ZNF83: variants seen among roughly 807,000 people sequenced by gnomAD.
ZNF83 encodes the protein zinc finger protein 83.
For missense variants in ZNF83, 552 were observed against 629.9 expected, an observed-to-expected ratio of 0.88 and a Z score of 1.32; for synonymous variants, 209 against 213.0, an observed-to-expected ratio of 0.98 and a Z score of 0.17.
intron 2 of ZNF83, among the ~76,000 whole-genome samples, chr19:52,623,894 T>G (rs1262402268): frequency 1.3e-5 from 2 of 152,228 alleles, no homozygotes; most frequent in African/African-American, 4.8e-5. Context: ...CAAATTGTTT[T>G]GCCTATCCAC....
At chr19:52,676,516 G>A (rs1373426805) in intron 1 of ZNF83, among the ~76,000 whole-genome samples, 1 of 150,962 alleles carries the variant, frequency 6.6e-6, no homozygotes, top group African/African-American at 2.4e-5. Flanking sequence ...GGCAGCCCCC[G>A]CCCGGCCAGC....
chr19:52,644,139 T>C (rs1457059823), intron 3 of ZNF83, among the ~76,000 whole-genome samples: 2 of 151,902 alleles, frequency 1.3e-5, no homozygotes, highest in Non-Finnish European at 2.9e-5. Context: ...CCGAAGATGG[T>C]CTCTGTGTCT....
intron 2 of ZNF83, chr19:52,618,684 AC>A: frequency 1.6e-6 from 1 of 639,792 alleles, no homozygotes; most frequent in South Asian, 2.2e-5. Flanking sequence ...GGCATGAGTC[AC>A]CACGCCTTGC....
At chr19:52,661,459 T>G (rs60637486) in intron 1 of ZNF83, among the ~76,000 whole-genome samples, 1 of 152,154 alleles carries the variant, frequency 6.6e-6, no homozygotes, top group East Asian at 1.9e-4. Context: ...GATCACAGAC[T>G]GACCTCAGTT....
chr19:52,655,703 C>G, intron 2 of ZNF83: 2 of 970,734 alleles, frequency 2.1e-6, no homozygotes, highest in Non-Finnish European at 1.6e-6. Context: ...ATTAAACACA[C>G]ATTTCAACAA....
rs529954966 is a variant in ZNF83 at position 52,661,232 on chromosome 19, G to A, written c.-282-389C>T. 5.3e-5 allele frequency among the ~76,000 whole-genome samples: 8 copies of A among 152,162 alleles called. No homozygotes were observed. The South Asian group carries it at 1.5e-3, about 28-fold the overall frequency. ...ACATACACAGGGGAGACCTTACCCGGTATAAAGACTGTCCTCTACTGCCCA... is the reference window on the plus strand; with the variant it reads ...ACATACACAGGGGAGACCTTACCCGATATAAAGACTGTCCTCTACTGCCCA... On this transcript the variant is annotated intron_variant, in intron 1 of 5. Coordinates refer to the ZNF83 transcript ENST00000594682.
chr19:52,684,254 T>G (rs535835461), intron 1 of ZNF83, among the ~76,000 whole-genome samples: 193 of 152,148 alleles, frequency 1.3e-3, no homozygotes, highest in South Asian at 2.3e-3. Context: ...TAATCCCAGC[T>G]ACTCGGGAGG....
intron 1 of ZNF83, among the ~76,000 whole-genome samples, chr19:52,687,611 AATGTG>A (rs370766336): frequency 3.5e-5 from 1 of 28,308 alleles, no homozygotes; most frequent in African/African-American, 4.1e-4. Flanking sequence ...ATATATATAT[AATGTG>A]TATATATATA....
chr19:52,629,511 G>A (rs374881777), intron 2 of ZNF83, among the ~76,000 whole-genome samples: 2,145 of 152,096 alleles, frequency 0.014, 52 homozygotes, highest in African/African-American at 0.047. Flanking sequence ...CCTCCACCCT[G>A]TAATCTTTTT....
chr19:52,661,383 C>A (rs912369477), intron 1 of ZNF83, among the ~76,000 whole-genome samples: 6 of 152,114 alleles, frequency 3.9e-5, no homozygotes, highest in African/African-American at 7.2e-5. Flanking sequence ...AGGGCACAGA[C>A]CTTCAGGACA....
exon 3 of ZNF83, chr19:52,613,940 C>G: frequency 6.2e-7 from 1 of 1,613,344 alleles, no homozygotes; most frequent in Non-Finnish European, 8.5e-7. Flanking sequence ...TTTCCACATT[C>G]ATTACATTTA....
intron 1 of ZNF83, among the ~76,000 whole-genome samples, chr19:52,670,563 A>C (rs1004983842): frequency 1.1e-4 from 17 of 152,194 alleles, no homozygotes; most frequent in African/African-American, 4.1e-4. Context: ...CACACTTAAA[A>C]TGAGTTATAT....
At chr19:52,688,236 T>A (rs2062080512) in intron 1 of ZNF83, among the ~76,000 whole-genome samples, 1 of 151,984 alleles carries the variant, frequency 6.6e-6, no homozygotes, top group Non-Finnish European at 1.5e-5. Context: ...AGTGGCATGA[T>A]CTTGGCTCAC....
chr19:52,682,798 T>A (rs1166268959), intron 1 of ZNF83, among the ~76,000 whole-genome samples: 4 of 151,988 alleles, frequency 2.6e-5, no homozygotes, highest in African/African-American at 9.7e-5. Flanking sequence ...AGCCCAGGAG[T>A]TCAAGGCTGC....
At chr19:52,668,392 T>TTTTCC (rs889177189) in intron 1 of ZNF83, among the ~76,000 whole-genome samples, 15 of 152,158 alleles carry the variant, frequency 9.9e-5, no homozygotes, top group African/African-American at 2.7e-4. Flanking sequence ...TCTATCTATC[T>TTTTCC]TTTCCTTTCC....
upstream of ZNF83, among the ~76,000 whole-genome samples, chr19:52,639,609 G>A (rs2147218299): frequency 6.6e-6 from 1 of 151,568 alleles, no homozygotes; most frequent in Non-Finnish European, 1.5e-5. Context: ...ATACAAACGA[G>A]GTTTCACTAT....
chr19:52,649,831 T>C (rs193064557), intron 3 of ZNF83, among the ~76,000 whole-genome samples: 41 of 152,210 alleles, frequency 2.7e-4, no homozygotes, highest in African/African-American at 9.6e-4. Flanking sequence ...AAACAGTCTA[T>C]ACGGGAATTC....
At chr19:52,687,591 TATATA>T (rs1568588797) in intron 1 of ZNF83, among the ~76,000 whole-genome samples, 6 of 37,244 alleles carry the variant, frequency 1.6e-4, no homozygotes, top group African/African-American at 8.2e-4. Flanking sequence ...TATATATATA[TATATA>T]ATGTATATAT....
intron 2 of ZNF83, among the ~76,000 whole-genome samples, chr19:52,624,559 C>T (rs12978447): frequency 0.081 from 12,346 of 152,244 alleles, 519 homozygotes; most frequent in Middle Eastern, 0.1. Context: ...CTCGTCTTTC[C>T]GTTCCTTGAA....
Sources: allele counts gnomAD v4.1 joint callset (sites outside exome capture counted in the v4.1 genomes callset), GRCh38; gene constraint gnomAD v4.1.1; transcripts MANE v1.5; gene names NCBI Gene and HGNC (gene_info 2026-07-23, HGNC 2026-07-21).